The following CPVL variants were observed in gnomAD, a reference collection of about 807,000 sequenced individuals.
The protein encoded by CPVL is probable serine carboxypeptidase CPVL.
CPVL carries 51 observed loss-of-function variants against 63.7 expected under a neutral mutation model. The ratio of observed to expected loss-of-function variants is 0.80; its 90% CI spans 0.64 to 1.01. The LOEUF (loss-of-function observed/expected upper bound fraction) is 1.01, where lower values mean the gene tolerates loss of function less well. CPVL is among the 50% of genes least tolerant of loss of function. The probability of loss-of-function intolerance (pLI) is 0.00; values close to 1 mark genes in which losing one functional copy is unlikely to be tolerated. For missense variants in CPVL, 530 were observed against 573.1 expected, an observed-to-expected ratio of 0.92 and a Z score of 0.77; for synonymous variants, 195 against 206.0, an observed-to-expected ratio of 0.95 and a Z score of 0.46.
intron 12 of CPVL, among the ~76,000 whole-genome samples, chr7:29,025,232 A>AGGTTTAATTGGT (rs1787378775): frequency 6.6e-6 from 1 of 151,898 alleles, no homozygotes; most frequent in Admixed American, 6.6e-5. Context: ...TAAAGGAAAG[A>AGGTTTAATTGGT]GGTTTAATTG....
At chr7:29,101,850 CGTTT>C (rs1033217959) in intron 3 of CPVL, among the ~76,000 whole-genome samples, 5 of 152,196 alleles carry the variant, frequency 3.3e-5, no homozygotes, top group Non-Finnish European at 7.4e-5. Flanking sequence ...TACATACACA[CGTTT>C]TTTTTCCAAA....
chr7:29,184,603 T>C (rs1798481278), intron 3 of CPVL: 1 of 152,204 alleles, frequency 6.6e-6, no homozygotes, highest in Non-Finnish European at 1.5e-5. Context: ...AAGAGTTTTC[T>C]CTTACTCTCA....
chr7:29,046,296 G>A lies in CPVL; in HGVS notation c.1138-15537C>T, dbSNP rs915629325. 2.6e-5 allele frequency among the ~76,000 whole-genome samples: 4 copies of A among 152,166 alleles called. No homozygotes were observed. In the East Asian group the frequency reaches 7.8e-4, roughly 30 times the overall value. ...GACACAGGTTTCACCACATTGGCCA[G>A]GCTGGTCTCAAACTCCTGACCTTGT... On this transcript the variant is annotated intron_variant, in intron 11 of 12. Coordinates refer to ENST00000265394, the MANE Select transcript of CPVL (RefSeq NM_031311.5).
chr7:29,131,193 T>TA (rs201418465), intron 1 of CPVL, among the ~76,000 whole-genome samples: 15 of 144,256 alleles, frequency 1.0e-4, no homozygotes, highest in South Asian at 2.2e-4. Flanking sequence ...TAAACAAAAA[T>TA]AAAAAAAAAA....
At chr7:29,149,124 G>C (rs1191641324), upstream of CPVL, among the ~76,000 whole-genome samples, 3 of 151,726 alleles carry the variant, frequency 2.0e-5, no homozygotes, top group Non-Finnish European at 4.4e-5. Context: ...GCTTGGAAAG[G>C]GCAAGAATGC....
rs955439624 is a variant in CPVL at position 29,041,708 on chromosome 7, C to T, written c.1138-10949G>A. On this transcript the variant is annotated intron_variant, in intron 11 of 12. Transcript: ENST00000265394. ...TTATAGACAGTTAAATCTATGGTAT[C>T]GACCTACATTCTTCAATAAAGTGTA... 3.3e-5 allele frequency among the ~76,000 whole-genome samples: 5 copies of T among 152,224 alleles called. No individual in the cohort carries two copies. The South Asian group carries it at 6.2e-4, about 19-fold the overall frequency.
In CPVL at chr7:29,131,750, C is replaced by T. The variant is rs145427184; in HGVS notation, c.-10-10679G>A. Among the ~76,000 whole-genome samples, 629 of 152,258 alleles carry T rather than the reference C, an allele frequency of 4.1e-3. 2 individuals carry two copies. The highest frequency in any genetic ancestry group is 0.02 in the Middle Eastern group (6 of 294). ...CTGGTCTCGAGCTCCTGGGCTCAAG[C>T]GATTCACCTGCCTTGGCCTCCCAAA... On this transcript the variant is annotated intron_variant, in intron 1 of 12. Coordinates refer to ENST00000265394, the MANE Select transcript of CPVL (RefSeq NM_031311.5).
chr7:29,174,545 A>C (rs1176057762), intron 5 of CPVL, among the ~76,000 whole-genome samples: 1 of 152,160 alleles, frequency 6.6e-6, no homozygotes, highest in Non-Finnish European at 1.5e-5. Flanking sequence ...GGGCAGAAAG[A>C]AAATACCCAA....
At chr7:29,071,621 G>A (rs1783738933) in intron 9 of CPVL, 152 bp downstream of exon 9, 2 of 714,576 alleles carry the variant, frequency 2.8e-6, no homozygotes. Flanking sequence ...TCATTATGAG[G>A]CCACTCAACT....
intron 9 of CPVL, 48 bp from the exon 10 acceptor site, chr7:29,066,169 G>A: frequency 1.0e-6 from 1 of 963,818 alleles, no homozygotes. Flanking sequence ...AAACATCAGT[G>A]TGGATAAAAA....
Position 29,120,941 on chromosome 7 carries a change from G to C in CPVL, c.121C>G (p.Gln41Glu). 6.2e-7 allele frequency: 1 copy of C among 1,613,666 alleles called. No individual in the cohort carries two copies. The highest frequency in any genetic ancestry group is 8.5e-7 in the Non-Finnish European group (1 of 1,179,866). Residue 41 changes from glutamine to glutamate, a missense_variant, in exon 2 of 13, where the codon CAG becomes GAG. Coordinates refer to ENST00000265394, the MANE Select transcript of CPVL (RefSeq NM_031311.5). Reference sequence around the variant, plus strand: ...ATGTAAGGGGTGAGAAATAATGGCTGTCCTGAGTCTCCCTTAGGTGGCATG... The same window carrying C: ...ATGTAAGGGGTGAGAAATAATGGCTCTCCTGAGTCTCCCTTAGGTGGCATG... ...VSMPPKGDSG[Q>E]PLFLTPYIEA...
intron 1 of CPVL, among the ~76,000 whole-genome samples, chr7:29,139,943 C>T (rs1791675630): frequency 1.3e-5 from 2 of 152,242 alleles, no homozygotes; most frequent in Admixed American, 1.3e-4. Context: ...TTAGCTATGG[C>T]TGCCATTTCC....
intron 11 of CPVL, among the ~76,000 whole-genome samples, chr7:29,049,837 T>C (rs1346998316): frequency 6.6e-6 from 1 of 152,150 alleles, no homozygotes; most frequent in African/African-American, 2.4e-5. Context: ...GTGGGTTTCA[T>C]ACCAGGGATG....
chr7:29,076,727 G>A (rs774645197), intron 7 of CPVL, among the ~76,000 whole-genome samples: 17 of 152,198 alleles, frequency 1.1e-4, no homozygotes, highest in Non-Finnish European at 2.1e-4. Flanking sequence ...GTATTAGGGT[G>A]TGTTTGTACA....
At chr7:29,053,581 G>A (rs1485642127) in intron 11 of CPVL, among the ~76,000 whole-genome samples, 1 of 152,188 alleles carries the variant, frequency 6.6e-6, no homozygotes, top group Non-Finnish European at 1.5e-5. Flanking sequence ...GGCTGGAAGA[G>A]GAAGTGGAAA....
At chr7:29,128,485 G>A (rs2128653639) in intron 1 of CPVL, among the ~76,000 whole-genome samples, 1 of 152,158 alleles carries the variant, frequency 6.6e-6, no homozygotes, top group African/African-American at 2.4e-5. Flanking sequence ...GGAGGCCAAG[G>A]CAGGCAGATC....
At chr7:29,059,352 T>C (rs1030621030) in intron 11 of CPVL, among the ~76,000 whole-genome samples, 1 of 152,208 alleles carries the variant, frequency 6.6e-6, no homozygotes. Context: ...ATAGATTTTT[T>C]GGCAAGTATT....
In CPVL at chr7:28,995,493, C is replaced by G; in HGVS notation, c.*279G>C. 3.3e-6 allele frequency: 1 copy of G among 302,512 alleles called. No homozygotes were observed. The highest frequency in any genetic ancestry group is 6.0e-6 in the Non-Finnish European group (1 of 167,364). 18.7% of individuals were successfully genotyped at this position (302,512 alleles called of 1,614,324 possible). On this transcript the variant is annotated 3_prime_UTR_variant, in exon 13 of 13. Transcript: ENST00000265394. ...AAATTAAAACTTCCTATTCAAGACC[C>G]TAAAATTTCATTTATACATCTTGTC...
chr7:29,155,528 A>G (rs1401021987), intron 5 of CPVL, among the ~76,000 whole-genome samples: 1 of 152,208 alleles, frequency 6.6e-6, no homozygotes, highest in Non-Finnish European at 1.5e-5. Context: ...ACATGTGTCC[A>G]AGATCAAAGA....
Sources: allele counts gnomAD v4.1 joint callset (sites outside exome capture counted in the v4.1 genomes callset), GRCh38; gene constraint gnomAD v4.1.1; transcripts MANE v1.5; gene names NCBI Gene and HGNC (gene_info 2026-07-23, HGNC 2026-07-21).